The following UHRF1 variants were observed in gnomAD, a reference collection of about 807,000 sequenced individuals.
UHRF1 encodes the protein E3 ubiquitin-protein ligase UHRF1.
In UHRF1, 9 loss-of-function variants were observed where a neutral mutation model predicts 96.5. The ratio of observed to expected loss-of-function variants is 0.09; its 90% confidence interval spans 0.06 to 0.16. UHRF1 has a LOEUF of 0.16. UHRF1 is among the 10% of genes least tolerant of loss of function. The pLI, the probability that UHRF1 is intolerant of heterozygous loss-of-function variation, is 1.00. For missense variants in UHRF1, 626 were observed against 1,131.1 expected, an observed-to-expected ratio of 0.55 and a Z score of 6.40; for synonymous variants, 455 against 469.9, an observed-to-expected ratio of 0.97 and a Z score of 0.41.
intron 2 of UHRF1, among the ~76,000 whole-genome samples, chr19:4,921,664 G>A (rs1485464695): frequency 6.6e-6 from 1 of 152,074 alleles, no homozygotes; most frequent in Non-Finnish European, 1.5e-5. Context: ...GGCCGAGGCG[G>A]GAGGGTTGCT....
At chr19:4,923,879 C>T (rs930067328) in intron 2 of UHRF1, among the ~76,000 whole-genome samples, 11 of 152,218 alleles carry the variant, frequency 7.2e-5, no homozygotes, top group South Asian at 2.1e-4. Context: ...GGTGCTGGCC[C>T]GGATGCAGAT....
At chr19:4,940,577 T>C (rs1163648644) in intron 5 of UHRF1, among the ~76,000 whole-genome samples, 11 of 151,204 alleles carry the variant, frequency 7.3e-5, no homozygotes, top group Non-Finnish European at 1.6e-4. Flanking sequence ...ATGTTGGCCA[T>C]GCTAGTCTCG....
chr19:4,903,752 C>T (rs2031998917), intron 1 of UHRF1: 1 of 152,214 alleles, frequency 6.6e-6, no homozygotes. Context: ...ATTCGCCTGC[C>T]TTGGCCTCCC....
intron 10 of UHRF1, among the ~76,000 whole-genome samples, chr19:4,946,823 G>A (rs116959445): frequency 0.016 from 2,360 of 152,108 alleles, 24 homozygotes; most frequent in Non-Finnish European, 0.024. Context: ...CGATCCTCCC[G>A]CTGCAGCCTC....
At chr19:4,943,495 G>GC (rs368362097) in intron 7 of UHRF1, among the ~76,000 whole-genome samples, 34,247 of 131,258 alleles carry the variant, frequency 0.26, 4,686 homozygotes, top group East Asian at 0.41. Flanking sequence ...TTGTTGCCCT[G>GC]CCCCCCCTCC....
Position 4,954,879 on chromosome 19 carries a change from TG to T in UHRF1, c.2130+61del. ...TTTGCGTTGACTGCGGTAAAATGTG[TG>T]GGGCTTGTTTCCCATGTTCCCCATT... is the stretch of plus-strand genomic sequence containing the variant. On this transcript the variant is annotated intron_variant, in intron 15 of 16. Coordinates refer to ENST00000650932, the MANE Select transcript of UHRF1 (RefSeq NM_001048201.3). This position sits in a 1 kb window ranked among gnomAD's most constrained non-coding sequence, Gnocchi z 5.9. 6.3e-7 allele frequency: 1 copy of T among 1,591,260 alleles called. No homozygotes were observed. The highest frequency in any genetic ancestry group is 8.6e-7 in the Non-Finnish European group (1 of 1,165,884).
At position 4,950,853 on chromosome 19, in the gene UHRF1, C is replaced by T. The variant is rs2033699004; in HGVS notation, c.1681-6C>T. ...TGGAGCTGACGCTGATGCCCGCTCT[C>T]TGCAGGTTGTGAAATACTGGCCCGA... On this transcript the variant is annotated splice_polypyrimidine_tract_variant and splice_region_variant and intron_variant, in intron 12 of 16. Coordinates refer to ENST00000650932, the MANE Select transcript of UHRF1 (RefSeq NM_001048201.3). The T allele has an allele frequency of 3.7e-6, 6 of 1,613,980 alleles. No individual in the cohort carries two copies. The highest frequency in any genetic ancestry group is 1.1e-5 in the South Asian group (1 of 91,076).
intron 5 of UHRF1, among the ~76,000 whole-genome samples, chr19:4,938,848 A>C (rs140647290): frequency 6.8e-6 from 1 of 147,650 alleles, no homozygotes; most frequent in Non-Finnish European, 1.5e-5. Context: ...GGCTCAAGCA[A>C]TCCTCCAACC....
intron 12 of UHRF1, 26 bp downstream of exon 12, chr19:4,950,799 G>T: frequency 6.2e-7 from 1 of 1,613,870 alleles, no homozygotes; most frequent in Non-Finnish European, 8.5e-7. Flanking sequence ...GGAGGCCGGG[G>T]GCTCTGTCCC....
Position 4,947,486 on chromosome 19 carries a change from ATATC to A in UHRF1, c.1517+277_1517+280del, listed in dbSNP as rs2033600241. Among the ~76,000 whole-genome samples the A allele has an allele frequency of 2.6e-4, 24 of 93,636 alleles. No homozygotes were observed. In the South Asian group the frequency reaches 8.3e-3, roughly 32 times the overall value. The allele number at this position is 93,636 out of a possible 152,430, so 61.4% of individuals were successfully genotyped here. On this transcript the variant is annotated intron_variant, in intron 11 of 16. Transcript: ENST00000650932. ...TTCCCTATAAAAGGCCAGATAATAG[ATATC>A]TTTTTTTTTTTTTTTTTTTTTTTTT...
rs553963661 is a variant in UHRF1, at chr19:4,912,100, G to T, written c.153+1062G>T. Among the ~76,000 whole-genome samples the T allele has an allele frequency of 2.0e-5, 3 of 152,250 alleles. No homozygotes were observed. The South Asian group carries it at 6.2e-4, about 32-fold the overall frequency. On this transcript the variant is annotated intron_variant, in intron 2 of 16. Coordinates refer to ENST00000650932, the MANE Select transcript of UHRF1 (RefSeq NM_001048201.3). ...TGCATGCCATAGGAGACCTTCATTA[G>T]CCCTCTTCCCGTAAGAGACGTGATG...
Position 4,944,270 on chromosome 19 carries a change from T to A in UHRF1, c.1197+15T>A, listed in dbSNP as rs772952370. On this transcript the variant is annotated intron_variant, in intron 8 of 16. Transcript: ENST00000650932. ...ACTGGGGCAAGGTGAGGCGGGTCCT[T>A]CCCACGTGCCCGTGGCCCCTCCCCG... The A allele has an allele frequency of 6.2e-7, 1 of 1,613,954 alleles. No homozygotes were observed. Among genetic ancestry groups the A allele is most frequent in the Non-Finnish European group, 8.5e-7 (1 of 1,179,866 alleles).
chr19:4,939,609 G>A (rs2033322522), intron 5 of UHRF1, among the ~76,000 whole-genome samples: 1 of 152,098 alleles, frequency 6.6e-6, no homozygotes, highest in African/African-American at 2.4e-5. Context: ...CACTTGCTGT[G>A]TGCGTCTGTG....
chr19:4,941,365 C>T (rs1160594817), intron 5 of UHRF1, among the ~76,000 whole-genome samples, 163 bp from the exon 6 acceptor site: 1 of 152,052 alleles, frequency 6.6e-6, no homozygotes, highest in East Asian at 1.9e-4. Flanking sequence ...GCCACTGCGC[C>T]CTGTTCCGTT....
intron 11 of UHRF1, among the ~76,000 whole-genome samples, chr19:4,950,157 C>T (rs537348959): frequency 6.6e-6 from 1 of 151,960 alleles, no homozygotes; most frequent in Non-Finnish European, 1.5e-5. Flanking sequence ...AGGCGTGAGC[C>T]ACGGCACCTA....
intron 5 of UHRF1, among the ~76,000 whole-genome samples, chr19:4,939,545 G>T (rs1191793460): frequency 6.6e-6 from 1 of 151,966 alleles, no homozygotes; most frequent in Admixed American, 6.6e-5. Flanking sequence ...CTGGTCATTT[G>T]TCCCAGGAGT....
rs8103849 is a variant in UHRF1 at position 4,909,617 on chromosome 19, C to G, written c.-49C>G. On this transcript the variant is annotated 5_prime_UTR_variant, in exon 1 of 17. Coordinates refer to ENST00000650932, the MANE Select transcript of UHRF1 (RefSeq NM_001048201.3). ...TTCATCGCCATCCCCAGCCGGGCCA[C>G]GCGCGCAGGCAGACAAGCTGTTCGC... 0.36 allele frequency: 224,715 copies of G among 622,000 alleles called. 43,006 individuals are homozygous for G. The highest frequency in any genetic ancestry group is 0.55 in the African/African-American group (28,488 of 51,528). The allele number at this position is 622,000 out of a possible 1,614,324, so 38.5% of individuals were successfully genotyped here. A position where few individuals can be genotyped will look rare whatever the true frequency, so the allele number is the denominator to read the frequency against.
At chr19:4,928,211 C>T (rs914932695) in intron 2 of UHRF1, among the ~76,000 whole-genome samples, 1 of 152,142 alleles carries the variant, frequency 6.6e-6, no homozygotes, top group Non-Finnish European at 1.5e-5. Flanking sequence ...GCTCAGCACC[C>T]TGCAGTGCCC....
At chr19:4,927,342 C>T (rs772036606) in intron 2 of UHRF1, among the ~76,000 whole-genome samples, 3 of 142,368 alleles carry the variant, frequency 2.1e-5, no homozygotes, top group Non-Finnish European at 4.5e-5. Flanking sequence ...GATCACACCC[C>T]TACACTCCAC....
Sources: allele counts gnomAD v4.1 joint callset (sites outside exome capture counted in the v4.1 genomes callset), GRCh38; gene constraint gnomAD v4.1.1; non-coding constraint Gnocchi (gnomAD v3.1); transcripts MANE v1.5; gene names NCBI Gene and HGNC (gene_info 2026-07-23, HGNC 2026-07-21).